Variants in FSTL4 observed in about 807,000 individuals in gnomAD.
The protein encoded by FSTL4 is follistatin-related protein 4.
In FSTL4, 28 loss-of-function variants were observed where a neutral mutation model predicts 78.2. The observed-to-expected ratio is 0.36, with a 90% CI of 0.27 to 0.49. The LOEUF (loss-of-function observed/expected upper bound fraction) is 0.49. Among genes scored for constraint, FSTL4 ranks in the 20% least tolerant of loss-of-function variants. The probability of loss-of-function intolerance (pLI) is 0.98; values close to 1 mark genes in which losing one functional copy is unlikely to be tolerated. For missense variants in FSTL4, 922 were observed against 1,084.9 expected, an observed-to-expected ratio of 0.85 and a Z score of 2.11; for synonymous variants, 422 against 440.5, an observed-to-expected ratio of 0.96 and a Z score of 0.53.
At chr5:133,755,456 C>T in the FSTL4 span, among the ~76,000 whole-genome samples, 3 of 152,108 alleles carry the variant, frequency 2.0e-5, no homozygotes, top group Non-Finnish European at 4.4e-5. Context: ...TCAGAAATGG[C>T]CCTAAACCCA....
chr5:133,341,225 A>AT (rs1242311488), intron 4 of FSTL4, among the ~76,000 whole-genome samples: 3,992 of 125,484 alleles, frequency 0.032, 119 homozygotes, highest in African/African-American at 0.066. Context: ...TCCTGCTCAC[A>AT]TTTTTTTTTT....
At chr5:133,549,608 C>T (rs528153857) in intron 3 of FSTL4, among the ~76,000 whole-genome samples, 65 of 148,302 alleles carry the variant, frequency 4.4e-4, no homozygotes, top group African/African-American at 1.6e-3. Flanking sequence ...TAACTGGGAG[C>T]TCATATTCCT....
At position 133,439,552 on chromosome 5, in the gene FSTL4, G is replaced by A. The variant is rs552547725; in HGVS notation, c.161-38566C>T. ...GCTAGCTAACTTAAGAAAACGCCTT[G>A]CCTTCATCCCTCCTGCTTCAGAGGT... On this transcript the variant is annotated intron_variant, in intron 3 of 15. Transcript: ENST00000265342. 9.9e-4 allele frequency among the ~76,000 whole-genome samples: 151 copies of A among 152,334 alleles called. 2 individuals carry two copies. Among genetic ancestry groups the A allele is most frequent in the Non-Finnish European group, 2.2e-4 (15 of 68,036 alleles).
At chr5:133,787,020 G>C in the FSTL4 span, among the ~76,000 whole-genome samples, 1 of 152,154 alleles carries the variant, frequency 6.6e-6, no homozygotes, top group East Asian at 1.9e-4. Flanking sequence ...CCTGAAGCCA[G>C]GTTCCCAACC....
chr5:133,397,022 T>C (rs144880673), intron 4 of FSTL4, among the ~76,000 whole-genome samples: 21 of 152,332 alleles, frequency 1.4e-4, no homozygotes, highest in African/African-American at 4.8e-4. Flanking sequence ...AATTTCATGG[T>C]TTGTTTGGAA....
intron 3 of FSTL4, among the ~76,000 whole-genome samples, chr5:133,429,274 T>A (rs1323952422): frequency 6.6e-6 from 1 of 152,192 alleles, no homozygotes; most frequent in Non-Finnish European, 1.5e-5. Flanking sequence ...ACGATGGCAA[T>A]GGCACTGATG....
the FSTL4 span, among the ~76,000 whole-genome samples, chr5:133,639,375 A>T: frequency 6.6e-6 from 1 of 152,178 alleles, no homozygotes; most frequent in Non-Finnish European, 1.5e-5. Flanking sequence ...GAGATTCAGA[A>T]AAGGGGGGTC....
At chr5:133,335,085 C>T (rs1385747851) in intron 4 of FSTL4, among the ~76,000 whole-genome samples, 5 of 152,316 alleles carry the variant, frequency 3.3e-5, no homozygotes, top group East Asian at 3.9e-4. Context: ...AAACACCTGG[C>T]GGTCTGTGCT....
At chr5:133,804,460 G>A in the FSTL4 span, among the ~76,000 whole-genome samples, 7 of 152,236 alleles carry the variant, frequency 4.6e-5, no homozygotes, top group Admixed American at 6.5e-5. Context: ...TAACCTAGTG[G>A]GTATACTATG....
rs762001158 is a variant in FSTL4, at chr5:133,361,536, T to C, written c.409+39202A>G. 6.6e-6 allele frequency among the ~76,000 whole-genome samples: 1 copy of C among 152,172 alleles called. No individual in the cohort carries two copies. The highest frequency in any genetic ancestry group is 2.4e-5 in the African/African-American group (1 of 41,414). On this transcript the variant is annotated intron_variant, in intron 4 of 15. Coordinates refer to ENST00000265342, the MANE Select transcript of FSTL4 (RefSeq NM_015082.2). This position sits in a 1 kb window ranked among gnomAD's most constrained non-coding sequence, Gnocchi z 4.3. ...ACCAGCACATCTTGGCCAAAACGCA[T>C]AGGTATCTCTTTCAGAGTCTTCTGC...
chr5:133,430,347 CAT>C (rs1756908405), intron 3 of FSTL4, among the ~76,000 whole-genome samples: 1 of 152,138 alleles, frequency 6.6e-6, no homozygotes, highest in East Asian at 1.9e-4. Flanking sequence ...TGGATTTCCA[CAT>C]GTCTCAGAGG....
At chr5:133,279,089 G>A (rs1371032157) in intron 6 of FSTL4, among the ~76,000 whole-genome samples, 1 of 152,222 alleles carries the variant, frequency 6.6e-6, no homozygotes, top group Non-Finnish European at 1.5e-5. Flanking sequence ...AAGAATGTCA[G>A]TTTCTATAGA....
chr5:133,780,526 G>T, the FSTL4 span, among the ~76,000 whole-genome samples: 1 of 152,102 alleles, frequency 6.6e-6, no homozygotes, highest in African/African-American at 2.4e-5. Context: ...TGGACTGGAA[G>T]GGTGGGGACC....
At chr5:133,290,165 A>C (rs1753226170) in intron 6 of FSTL4, among the ~76,000 whole-genome samples, 1 of 152,310 alleles carries the variant, frequency 6.6e-6, no homozygotes, top group East Asian at 1.9e-4. Context: ...ATGATTAATT[A>C]CTGTGTCTTG....
the FSTL4 span, among the ~76,000 whole-genome samples, chr5:133,799,614 C>T: frequency 0.12 from 16,088 of 137,698 alleles, 4,648 homozygotes; most frequent in African/African-American, 0.4. Flanking sequence ...GCAGCCACAA[C>T]GTCTCTCCTC....
chr5:133,278,640 C>T (rs1030695065), intron 6 of FSTL4, among the ~76,000 whole-genome samples: 2 of 152,154 alleles, frequency 1.3e-5, no homozygotes, highest in African/African-American at 2.4e-5. Context: ...AACCTCTTGG[C>T]GGACATGAGA....
At chr5:133,253,299 C>T (rs1752304430) in intron 6 of FSTL4, among the ~76,000 whole-genome samples, 2 of 152,180 alleles carry the variant, frequency 1.3e-5, no homozygotes, top group African/African-American at 4.8e-5. Flanking sequence ...TGTGCTAGGC[C>T]CCGAGTGAGC....
At chr5:133,725,989 A>C in the FSTL4 span, among the ~76,000 whole-genome samples, 68 of 152,352 alleles carry the variant, frequency 4.5e-4, no homozygotes, top group African/African-American at 1.6e-3. Context: ...GAAGAGTGCC[A>C]GAGTCCAGAT....
chr5:133,455,441 T>C (rs548879772), intron 3 of FSTL4, among the ~76,000 whole-genome samples: 1 of 151,716 alleles, frequency 6.6e-6, no homozygotes, highest in East Asian at 1.9e-4. Flanking sequence ...CTGCTACCGA[T>C]AACACAGCAA....
Sources: gnomAD v4.1 joint callset for allele counts (sites outside exome capture counted in the v4.1 genomes callset) on GRCh38, gnomAD v4.1.1 for gene constraint, Gnocchi (gnomAD v3.1) non-coding constraint, MANE v1.5 for transcripts, NCBI Gene and HGNC (gene_info 2026-07-23, HGNC 2026-07-21) for gene names.